Variants in WDFY2 observed in about 807,000 individuals in gnomAD.
WDFY2 encodes WD repeat and FYVE domain-containing protein 2.
WDFY2 carries 36 observed loss-of-function variants against 56.4 expected under a neutral mutation model. The observed-to-expected ratio is 0.64, with a 90% CI of 0.49 to 0.84. WDFY2 has a LOEUF of 0.84. Among genes scored for constraint, WDFY2 ranks in the 40% least tolerant of loss-of-function variants. The probability of loss-of-function intolerance (pLI) is 0.00; values close to 1 mark genes in which losing one functional copy is unlikely to be tolerated. For synonymous variants in WDFY2, 176 were observed against 183.7 expected, an observed-to-expected ratio of 0.96 and a Z score of 0.34; for missense variants, 444 against 512.2, an observed-to-expected ratio of 0.87 and a Z score of 1.29.
chr13:51,604,864 A>T (rs1373432758), intron 1 of WDFY2, among the ~76,000 whole-genome samples: 3 of 152,232 alleles, frequency 2.0e-5, no homozygotes, highest in African/African-American at 7.2e-5. Flanking sequence ...TCAGGAGGGC[A>T]CATTGAGAAG....
At chr13:51,614,842 T>C (rs1954580880) in intron 1 of WDFY2, among the ~76,000 whole-genome samples, 1 of 152,216 alleles carries the variant, frequency 6.6e-6, no homozygotes, top group African/African-American at 2.4e-5. Flanking sequence ...CTGTTGTCTC[T>C]AAACTAATGG....
chr13:51,688,590 G>A (rs1390862351), intron 3 of WDFY2, among the ~76,000 whole-genome samples: 1 of 152,074 alleles, frequency 6.6e-6, no homozygotes, highest in African/African-American at 2.4e-5. Context: ...GAGTCATTGT[G>A]CTAGGTAATC....
intron 1 of WDFY2, chr13:51,586,545 A>G (rs1268260554): frequency 6.6e-6 from 1 of 152,336 alleles, no homozygotes; most frequent in Non-Finnish European, 1.5e-5. Context: ...AGCTCCTTTA[A>G]TATTAAGGTG....
chr13:51,713,316 A>AACAT (rs1437796437), intron 4 of WDFY2, among the ~76,000 whole-genome samples: 2 of 152,260 alleles, frequency 1.3e-5, no homozygotes, highest in African/African-American at 4.8e-5. Context: ...GTGTCGGATT[A>AACAT]ACATTCAAAA....
At chr13:51,687,374 C>G (rs2138533111) in intron 3 of WDFY2, among the ~76,000 whole-genome samples, 1 of 151,790 alleles carries the variant, frequency 6.6e-6, no homozygotes, top group Non-Finnish European at 1.5e-5. Flanking sequence ...GTGATACATG[C>G]TATGGGGAGA....
intron 9 of WDFY2, 128 bp downstream of exon 9, chr13:51,755,587 G>A (rs538091704): frequency 9.8e-6 from 8 of 812,368 alleles, no homozygotes; most frequent in African/African-American, 5.1e-5. Context: ...GAGTCACCTC[G>A]TGATTGCACA....
At chr13:51,614,090 G>A (rs561038013) in intron 1 of WDFY2, among the ~76,000 whole-genome samples, 5 of 151,374 alleles carry the variant, frequency 3.3e-5, no homozygotes, top group African/African-American at 9.7e-5. Context: ...GGAGGCTGAG[G>A]CAGGAGAATC....
rs115450758 is a variant in WDFY2, at chr13:51,648,234, A to G, written c.138-12362A>G. On this transcript the variant is annotated intron_variant, in intron 1 of 11. Transcript: ENST00000298125. ...GCTGGAGCTGTGCAATTAAGGATTC[A>G]TAGTTCCCTCCCATCATCTTATGCA... Among the ~76,000 whole-genome samples, 1,188 of 152,276 alleles carry G rather than the reference A, an allele frequency of 7.8e-3. 21 individuals are homozygous for G. Among genetic ancestry groups the G allele is most frequent in the African/African-American group, 0.027 (1,108 of 41,530 alleles).
chr13:51,603,733 T>G (rs768370115), intron 1 of WDFY2, among the ~76,000 whole-genome samples: 2 of 152,174 alleles, frequency 1.3e-5, no homozygotes, highest in Non-Finnish European at 2.9e-5. Flanking sequence ...TTTCCTAGTT[T>G]ACAAATGGGA....
At chr13:51,725,124 G>C (rs1473912151) in intron 5 of WDFY2, among the ~76,000 whole-genome samples, 1 of 151,972 alleles carries the variant, frequency 6.6e-6, no homozygotes, top group Non-Finnish European at 1.5e-5. Context: ...TTACTTTTTG[G>C]TTTTTGCACT....
chr13:51,700,098 CA>C (rs992089408), intron 3 of WDFY2, among the ~76,000 whole-genome samples: 2 of 151,582 alleles, frequency 1.3e-5, no homozygotes, highest in East Asian at 1.9e-4. Flanking sequence ...TTTTATACAA[CA>C]AAAAAAGTAT....
At chr13:51,751,501 A>G (rs752096831) in intron 8 of WDFY2, 86 bp downstream of exon 8, 4 of 1,279,820 alleles carry the variant, frequency 3.1e-6, no homozygotes, top group Non-Finnish European at 3.4e-6. Context: ...TTATGATTAA[A>G]CCATGAAATA....
intron 2 of WDFY2, among the ~76,000 whole-genome samples, chr13:51,665,359 C>T (rs889932637): frequency 6.6e-6 from 1 of 152,142 alleles, no homozygotes; most frequent in African/African-American, 2.4e-5. Flanking sequence ...AAACCAGGCC[C>T]TCAGATTAAG....
chr13:51,652,760 G>C (rs1020123765), intron 1 of WDFY2, among the ~76,000 whole-genome samples: 7 of 152,216 alleles, frequency 4.6e-5, no homozygotes, highest in African/African-American at 1.4e-4. Context: ...TGCAGAGTTT[G>C]TGCCGAGAGA....
chr13:51,656,143 T>C (rs1955505897), intron 1 of WDFY2, among the ~76,000 whole-genome samples: 1 of 151,528 alleles, frequency 6.6e-6, no homozygotes, highest in African/African-American at 2.4e-5. Flanking sequence ...AGGTATAAAA[T>C]TAGGTTATTG....
chr13:51,652,666 C>T (rs1356353315), intron 1 of WDFY2, among the ~76,000 whole-genome samples: 5 of 152,092 alleles, frequency 3.3e-5, no homozygotes, highest in Admixed American at 2.0e-4. Flanking sequence ...ACTTATGAAG[C>T]TTAGTTTGGC....
At chr13:51,588,814 G>A (rs1296620263) in intron 1 of WDFY2, 1 of 152,196 alleles carries the variant, frequency 6.6e-6, no homozygotes, top group Non-Finnish European at 1.5e-5. Context: ...TGCAGGAGGA[G>A]TGACTCTGAT....
intron 1 of WDFY2, among the ~76,000 whole-genome samples, chr13:51,659,072 G>A (rs547972493): frequency 5.3e-5 from 8 of 152,030 alleles, no homozygotes; most frequent in Admixed American, 1.3e-4. Flanking sequence ...GATTATGGGC[G>A]TCCACCACTG....
At chr13:51,657,585 A>C (rs561685483) in intron 1 of WDFY2, among the ~76,000 whole-genome samples, 3 of 152,202 alleles carry the variant, frequency 2.0e-5, no homozygotes, top group Non-Finnish European at 4.4e-5. Context: ...TCCATATTGC[A>C]TATGTTGGTA....
Sources: allele counts gnomAD v4.1 joint callset (sites outside exome capture counted in the v4.1 genomes callset), GRCh38; gene constraint gnomAD v4.1.1; transcripts MANE v1.5; gene names NCBI Gene and HGNC (gene_info 2026-07-23, HGNC 2026-07-21).